The following SMAD6 variants were observed in gnomAD, a reference collection of about 807,000 sequenced individuals.
SMAD6 encodes MAD homolog 6.
SMAD6 carries 103 observed loss-of-function variants against 39.4 expected under a neutral mutation model. The observed-to-expected ratio is 2.62, with a 90% CI of 2.23 to 3.08. The LOEUF is 3.08. Among genes scored for constraint, SMAD6 ranks in the 30% most tolerant of loss-of-function variants. The pLI, the probability that SMAD6 is intolerant of heterozygous loss-of-function variation, is 0.00. For synonymous variants in SMAD6, 445 were observed against 353.3 expected (o/e 1.26, Z -2.91); for missense variants, 1,104 against 742.9 (o/e 1.49, Z -5.65).
Position 66,711,589 on chromosome 15 carries a change from A to G in SMAD6, c.818-79A>G, listed in dbSNP as rs1473114091. On this transcript the variant is annotated intron_variant, in intron 1 of 3. Transcript: ENST00000288840. ...GGAGGCTGAGTTTATTATTTGGGAAACCAGTAATTAAAAGCATGTAGAACC... is the reference window on the plus strand; with the variant it reads ...GGAGGCTGAGTTTATTATTTGGGAAGCCAGTAATTAAAAGCATGTAGAACC... The G allele has an allele frequency of 2.7e-6, 3 of 1,091,206 alleles. No individual in the cohort carries two copies. The African/African-American group carries it at 4.6e-5, about 17-fold the overall frequency. The allele number at this position is 1,091,206 out of a possible 1,614,324, so 67.6% of individuals were successfully genotyped here.
intron 3 of SMAD6, among the ~76,000 whole-genome samples, chr15:66,775,993 A>G (rs1416511370): frequency 6.6e-6 from 1 of 152,238 alleles, no homozygotes; most frequent in South Asian, 2.1e-4. Context: ...ATAGTGTTGC[A>G]GAGCACGTCA....
intron 3 of SMAD6, among the ~76,000 whole-genome samples, chr15:66,749,628 A>G (rs1013920966): frequency 2.6e-5 from 4 of 152,134 alleles, no homozygotes; most frequent in South Asian, 2.1e-4. Context: ...AAACAAAAAA[A>G]TTTAATGGAG....
intron 3 of SMAD6, among the ~76,000 whole-genome samples, chr15:66,778,264 T>C (rs1462658285): frequency 6.6e-6 from 1 of 152,128 alleles, no homozygotes; most frequent in Non-Finnish European, 1.5e-5. Flanking sequence ...AAAGTTTTTT[T>C]AGAGATGAGG....
At chr15:66,711,602 A>C (rs766189029) in intron 1 of SMAD6, 66 bp from the exon 2 acceptor site, 10 of 1,217,930 alleles carry the variant, frequency 8.2e-6, no homozygotes, top group Non-Finnish European at 1.1e-5. Flanking sequence ...AGTAATTAAA[A>C]GCATGTAGAA....
rs78392613 is a variant in SMAD6 at position 66,729,579 on chromosome 15, G to A, written c.952+13081G>A. ...GGGTGACAGCGTGGTGTTTTCAGCC[G>A]GTTGGCTGGGCCCCAGGCGAGGGGG... On this transcript the variant is annotated intron_variant, in intron 3 of 3. Transcript: ENST00000288840. Among the ~76,000 whole-genome samples, 812 of 152,290 alleles carry A rather than the reference G, an allele frequency of 5.3e-3. 13 individuals are homozygous for A. In the East Asian group the frequency reaches 0.063, roughly 12 times the overall value.
intron 2 of SMAD6, among the ~76,000 whole-genome samples, chr15:66,713,662 C>T (rs906775234): frequency 6.6e-6 from 1 of 152,182 alleles, no homozygotes; most frequent in Non-Finnish European, 1.5e-5. Flanking sequence ...GCATATCCAC[C>T]CCAGTTTTCT....
At position 66,703,459 on chromosome 15, in the gene SMAD6, G is replaced by T; in HGVS notation, c.201G>T (p.Arg67=). The T allele has an allele frequency of 7.9e-7, 1 of 1,266,992 alleles. No individual in the cohort carries two copies. Among genetic ancestry groups the T allele is most frequent in the Non-Finnish European group, 1.0e-6 (1 of 1,002,992 alleles). 78.5% of individuals were successfully genotyped at this position (1,266,992 alleles called of 1,614,324 possible). Reference sequence around the variant, plus strand: ...AAGTCCGCCCGGTAGCCCCGCGGCGGCCCCGGGACGCAGTGGGACAGCGAG... The same window carrying T: ...AAGTCCGCCCGGTAGCCCCGCGGCGTCCCCGGGACGCAGTGGGACAGCGAG... ...RSEVRPVAPR[R]PRDAVGQRGA... Residue 67 remains arginine, a synonymous_variant, in exon 1 of 4, where the codon CGG becomes CGT. Transcript: ENST00000288840.
rs1309787032 is a variant in SMAD6 at position 66,782,089 on chromosome 15, T to C, written c.*554T>C. On this transcript the variant is annotated 3_prime_UTR_variant, in exon 4 of 4. Coordinates refer to ENST00000288840, the MANE Select transcript of SMAD6 (RefSeq NM_005585.5). ...TTGAAACTTGACCTCAGTTTTCAAGTTTTACTTTTATTGGATAAAGACAGA... is the reference window on the plus strand; with the variant it reads ...TTGAAACTTGACCTCAGTTTTCAAGCTTTACTTTTATTGGATAAAGACAGA... 1.5e-5 allele frequency: 6 copies of C among 396,196 alleles called. No homozygotes were observed. The highest frequency in any genetic ancestry group is 2.2e-5 in the Non-Finnish European group (5 of 225,218). 24.5% of individuals were successfully genotyped at this position (396,196 alleles called of 1,614,324 possible). A position where few individuals can be genotyped will look rare whatever the true frequency, so the allele number is the denominator to read the frequency against.
At chr15:66,768,261 C>G (rs1478150960) in intron 3 of SMAD6, among the ~76,000 whole-genome samples, 1 of 152,122 alleles carries the variant, frequency 6.6e-6, no homozygotes, top group Non-Finnish European at 1.5e-5. Flanking sequence ...CATGAGCCAC[C>G]ATATCCAGCC....
Position 66,781,183 on chromosome 15 carries a change from T to TG in SMAD6, c.1140dup (p.Arg381AlafsTer184). 6.2e-7 allele frequency: 1 copy of TG among 1,607,820 alleles called. No individual in the cohort carries two copies. The highest frequency in any genetic ancestry group is 1.1e-5 in the South Asian group (1 of 91,046). On this transcript the variant is annotated frameshift_variant, in exon 4 of 4. Transcript: ENST00000288840. LOFTEE classifies it high-confidence loss of function. ...AACCTGGAGCAGCGCAGCGAGTCGG[T>TG]GCGGCGAACGCGCAGCAAGATCGGC...
chr15:66,767,224 A>G (rs1384989552), intron 3 of SMAD6, among the ~76,000 whole-genome samples: 3 of 152,224 alleles, frequency 2.0e-5, no homozygotes, highest in Non-Finnish European at 4.4e-5. Flanking sequence ...ATGGGCTTGT[A>G]GAATTGGGAA....
At chr15:66,718,430 A>G (rs887486664) in intron 3 of SMAD6, among the ~76,000 whole-genome samples, 3 of 152,124 alleles carry the variant, frequency 2.0e-5, no homozygotes, top group African/African-American at 7.2e-5. Flanking sequence ...GGTCCCTGCT[A>G]CTCATGACTG....
At chr15:66,710,519 C>G (rs1435057323) in intron 1 of SMAD6, among the ~76,000 whole-genome samples, 2 of 152,178 alleles carry the variant, frequency 1.3e-5, no homozygotes, top group Non-Finnish European at 2.9e-5. Context: ...GCTCCTGTAA[C>G]TAATTGTGGC....
chr15:66,715,852 G>T (rs1181262061), intron 2 of SMAD6, among the ~76,000 whole-genome samples: 2 of 151,988 alleles, frequency 1.3e-5, no homozygotes, highest in South Asian at 2.1e-4. Context: ...GTTAGGGAGT[G>T]GGGGAGGGGA....
chr15:66,733,007 A>G (rs967771214), intron 3 of SMAD6, among the ~76,000 whole-genome samples: 1 of 151,990 alleles, frequency 6.6e-6, no homozygotes, highest in Non-Finnish European at 1.5e-5. Context: ...TATAAATATG[A>G]GTCTAGGTTC....
intron 1 of SMAD6, chr15:66,707,607 C>G (rs772523588): frequency 1.3e-5 from 2 of 152,296 alleles, no homozygotes; most frequent in African/African-American, 2.4e-5. Flanking sequence ...TGCAGTTTGC[C>G]TCTTGCTGGC....
At chr15:66,734,214 C>T (rs1893676126) in intron 3 of SMAD6, among the ~76,000 whole-genome samples, 1 of 152,226 alleles carries the variant, frequency 6.6e-6, no homozygotes, top group Non-Finnish European at 1.5e-5. Flanking sequence ...TAGAAAAGCA[C>T]TGTGCTTGGA....
At chr15:66,723,609 A>G (rs1424427609) in intron 3 of SMAD6, among the ~76,000 whole-genome samples, 1 of 152,210 alleles carries the variant, frequency 6.6e-6, no homozygotes, top group Non-Finnish European at 1.5e-5. Context: ...GTTGGAGGCT[A>G]TAGTGAGCTG....
chr15:66,726,965 A>G (rs1314750569), intron 3 of SMAD6, among the ~76,000 whole-genome samples: 2 of 152,024 alleles, frequency 1.3e-5, no homozygotes, highest in Non-Finnish European at 1.5e-5. Context: ...GAGCCCCCAG[A>G]CTGTCTCCCA....
Sources: allele counts gnomAD v4.1 joint callset (sites outside exome capture counted in the v4.1 genomes callset), GRCh38; gene constraint gnomAD v4.1.1; transcripts MANE v1.5; gene names NCBI Gene and HGNC (gene_info 2026-07-23, HGNC 2026-07-21).